The following HMGA2 variants were observed in gnomAD, a reference collection of about 807,000 sequenced individuals.
The protein encoded by HMGA2 is high mobility group AT-hook 2, also known as high mobility group protein HMGI-C.
In HMGA2, 8 loss-of-function variants were observed where a neutral mutation model predicts 19.1. The ratio of observed to expected loss-of-function variants is 0.42; its 90% CI spans 0.25 to 0.76. The LOEUF (loss-of-function observed/expected upper bound fraction) is 0.76. Ranked by LOEUF, HMGA2 falls within the 30% of genes least tolerant of loss-of-function variation. The pLI is 0.28. For synonymous variants in HMGA2, 60 were observed against 48.8 expected, an observed-to-expected ratio of 1.23 and a Z score of -0.96; for missense variants, 109 against 136.3, an observed-to-expected ratio of 0.80 and a Z score of 1.00.
chr12:65,916,666 T>G (rs751155798), intron 3 of HMGA2, among the ~76,000 whole-genome samples: 8 of 152,208 alleles, frequency 5.3e-5, no homozygotes, highest in Admixed American at 4.6e-4. Flanking sequence ...ACTACTTTTT[T>G]GAGTGTATGA....
At chr12:65,886,760 G>C (rs1292049249) in intron 3 of HMGA2, among the ~76,000 whole-genome samples, 1 of 152,124 alleles carries the variant, frequency 6.6e-6, no homozygotes, top group East Asian at 1.9e-4. Context: ...AATCCAACCA[G>C]GCCAGACCAT....
At chr12:65,954,396 A>G (rs534620447) in intron 4 of HMGA2, 1 of 152,196 alleles carries the variant, frequency 6.6e-6, no homozygotes, top group Non-Finnish European at 1.5e-5. Context: ...TCCTACTGTT[A>G]GGGCTAAAGC....
At chr12:65,834,750 C>T (rs1870639873) in intron 2 of HMGA2, among the ~76,000 whole-genome samples, 1 of 152,044 alleles carries the variant, frequency 6.6e-6, no homozygotes, top group African/African-American at 2.4e-5. Context: ...AATTTCTTTC[C>T]TAATTAGTTT....
chr12:65,910,174 A>G (rs899556959), intron 3 of HMGA2, among the ~76,000 whole-genome samples: 1 of 152,098 alleles, frequency 6.6e-6, no homozygotes, highest in African/African-American at 2.4e-5. Context: ...TCTTACACTC[A>G]TTTTTACTCA....
intron 3 of HMGA2, among the ~76,000 whole-genome samples, chr12:65,848,320 G>T (rs562506221): frequency 1.3e-5 from 2 of 152,042 alleles, no homozygotes; most frequent in Admixed American, 1.3e-4. Context: ...TATTTTAATG[G>T]CCTATTTGTG....
chr12:65,889,188 C>T (rs113275693), intron 3 of HMGA2, among the ~76,000 whole-genome samples: 1 of 152,180 alleles, frequency 6.6e-6, no homozygotes, highest in African/African-American at 2.4e-5. Flanking sequence ...TTTAAGATTT[C>T]TTTCATTTGG....
chr12:65,875,932 G>A (rs141205239), intron 3 of HMGA2, among the ~76,000 whole-genome samples: 6 of 152,060 alleles, frequency 3.9e-5, no homozygotes, highest in African/African-American at 1.4e-4. Flanking sequence ...TGCTTCTTCA[G>A]CTATTTTTAG....
chr12:65,870,133 G>A (rs114921939), intron 3 of HMGA2, among the ~76,000 whole-genome samples: 7 of 152,132 alleles, frequency 4.6e-5, no homozygotes, highest in African/African-American at 1.7e-4. Context: ...AACACAATAT[G>A]GTCCTTAGCT....
intron 3 of HMGA2, among the ~76,000 whole-genome samples, chr12:65,865,557 AATAACAT>A (rs1872351442): frequency 6.6e-6 from 1 of 152,088 alleles, no homozygotes. Flanking sequence ...AATGTGCTAG[AATAACAT>A]TTCTCCATTT....
chr12:65,844,062 A>AT, intron 3 of HMGA2, among the ~76,000 whole-genome samples: 1 of 152,086 alleles, frequency 6.6e-6, no homozygotes, highest in Middle Eastern at 3.4e-3. Context: ...AAAAAAAAAA[A>AT]AAAAAAAGAA....
intron 3 of HMGA2, chr12:65,842,034 C>A: frequency 8.4e-7 from 1 of 1,184,718 alleles, no homozygotes; most frequent in Non-Finnish European, 1.1e-6. Context: ...GATTTCAGAT[C>A]TATTGTTTTT....
intron 4 of HMGA2, among the ~76,000 whole-genome samples, chr12:65,962,161 G>A (rs1045284189): frequency 1.2e-4 from 19 of 152,304 alleles, no homozygotes; most frequent in Non-Finnish European, 2.4e-4. Flanking sequence ...TTCACATGCC[G>A]TCTTATGAGA....
At chr12:65,921,719 G>A (rs187944402) in intron 3 of HMGA2, among the ~76,000 whole-genome samples, 3 of 152,362 alleles carry the variant, frequency 2.0e-5, no homozygotes, top group African/African-American at 7.2e-5. Flanking sequence ...TGGGGGAAAT[G>A]TCTCCAGACC....
At chr12:65,827,697 A>T (rs1013661791) in intron 1 of HMGA2, among the ~76,000 whole-genome samples, 2 of 152,264 alleles carry the variant, frequency 1.3e-5, no homozygotes, top group Non-Finnish European at 2.9e-5. Flanking sequence ...TAAACTTTAC[A>T]CCTTAAAAGT....
At chr12:65,864,515 G>T (rs1043629331) in intron 3 of HMGA2, among the ~76,000 whole-genome samples, 79 of 152,238 alleles carry the variant, frequency 5.2e-4, no homozygotes, top group African/African-American at 1.7e-3. Flanking sequence ...TTTGTAGATA[G>T]CACACATTCA....
chr12:65,882,176 G>A (rs1291537585), intron 3 of HMGA2: 5 of 377,176 alleles, frequency 1.3e-5, no homozygotes, highest in Non-Finnish European at 2.5e-5. Context: ...TGGCCTTTCT[G>A]CTGCTGGTAG....
rs1205420005 is a variant in HMGA2 at position 65,825,184 on chromosome 12, T to C, written c.-87T>C. On this transcript the variant is annotated 5_prime_UTR_variant, in exon 1 of 5. Coordinates refer to ENST00000403681, the MANE Select transcript of HMGA2 (RefSeq NM_003483.6). This position sits in a 1 kb window ranked among gnomAD's most constrained non-coding sequence, Gnocchi z 4.4. Reference sequence around the variant, plus strand: ...CGCCCCGCCGGCGTCCCCAGCCCTATCACCTCATCTCCCGAAAGGTGCTGG... The same window carrying C: ...CGCCCCGCCGGCGTCCCCAGCCCTACCACCTCATCTCCCGAAAGGTGCTGG... The C allele has an allele frequency of 5.7e-6, 7 of 1,217,956 alleles. No homozygotes were observed. The highest frequency in any genetic ancestry group is 8.0e-6 in the Non-Finnish European group (7 of 876,628). The allele number at this position is 1,217,956 out of a possible 1,614,324, so 75.4% of individuals were successfully genotyped here.
intron 3 of HMGA2, among the ~76,000 whole-genome samples, chr12:65,871,414 G>A (rs1465061777): frequency 6.6e-6 from 1 of 152,092 alleles, no homozygotes. Context: ...GCTCTATTGT[G>A]TCTTTCTGGC....
intron 4 of HMGA2, chr12:65,956,877 T>G (rs1183662085): frequency 6.6e-6 from 1 of 152,210 alleles, no homozygotes; most frequent in Non-Finnish European, 1.5e-5. Context: ...TCTTTCTTCT[T>G]ACTCTCCAAA....
Sources: allele counts gnomAD v4.1 joint callset (sites outside exome capture counted in the v4.1 genomes callset), GRCh38; gene constraint gnomAD v4.1.1; non-coding constraint Gnocchi (gnomAD v3.1); transcripts MANE v1.5; gene names NCBI Gene and HGNC (gene_info 2026-07-23, HGNC 2026-07-21).